SRPK2: variants seen among roughly 807,000 people sequenced by gnomAD.
SRPK2 encodes SFRS protein kinase 2.
A neutral mutation model predicts 90.8 loss-of-function variants in SRPK2; 21 were observed. The ratio of observed to expected loss-of-function variants is 0.23; its 90% CI spans 0.16 to 0.33. The LOEUF is 0.33. Ranked by LOEUF, SRPK2 falls within the 10% of genes least tolerant of loss-of-function variation. SRPK2 has a pLI of 1.00. For missense variants in SRPK2, 620 were observed against 869.0 expected (o/e 0.71, Z 3.60); for synonymous variants, 288 against 311.1 (o/e 0.93, Z 0.78).
chr7:105,321,561 A>T (rs1585697768), intron 2 of SRPK2, among the ~76,000 whole-genome samples: 1 of 152,218 alleles, frequency 6.6e-6, no homozygotes, highest in East Asian at 1.9e-4. Flanking sequence ...GAAAATATTA[A>T]CAAATCTGAT....
At chr7:105,243,796 A>G (rs1387848628) in intron 2 of SRPK2, among the ~76,000 whole-genome samples, 2 of 152,230 alleles carry the variant, frequency 1.3e-5, no homozygotes, top group African/African-American at 2.4e-5. Flanking sequence ...ACCATAACAC[A>G]ATAAGAATCT....
intron 15 of SRPK2, among the ~76,000 whole-genome samples, chr7:105,122,096 T>C (rs1800466852): frequency 6.6e-6 from 1 of 152,170 alleles, no homozygotes; most frequent in African/African-American, 2.4e-5. Context: ...CAACCAAATG[T>C]AGGTAAATAT....
intron 3 of SRPK2, among the ~76,000 whole-genome samples, chr7:105,202,128 T>C (rs777384726): frequency 2.4e-4 from 36 of 152,250 alleles, no homozygotes; most frequent in Non-Finnish European, 4.3e-4. Flanking sequence ...AGGAACACAC[T>C]GATTCTATGT....
intron 7 of SRPK2, among the ~76,000 whole-genome samples, chr7:105,159,191 A>G (rs978826557): frequency 6.6e-6 from 1 of 151,750 alleles, no homozygotes; most frequent in Middle Eastern, 3.2e-3. Flanking sequence ...TAAGCTGCCA[A>G]TTTTCCATAC....
At chr7:105,353,503 TTTGTTGTTGTTGTTG>T (rs34789062) in intron 2 of SRPK2, among the ~76,000 whole-genome samples, 7 of 146,194 alleles carry the variant, frequency 4.8e-5, no homozygotes, top group Non-Finnish European at 7.5e-5. Flanking sequence ...TCCAGCCCAG[TTTGTTGTTGTTGTTG>T]TTGTTGTTGT....
At chr7:105,155,284 CT>C (rs1163773339) in intron 7 of SRPK2, among the ~76,000 whole-genome samples, 1 of 152,208 alleles carries the variant, frequency 6.6e-6, no homozygotes, top group African/African-American at 2.4e-5. Context: ...ACCCAGCCCC[CT>C]TATTCTTAAT....
intron 2 of SRPK2, among the ~76,000 whole-genome samples, chr7:105,319,165 T>TGTG (rs1451363996): frequency 2.0e-5 from 3 of 152,210 alleles, no homozygotes; most frequent in Non-Finnish European, 4.4e-5. Flanking sequence ...TTCACAGATC[T>TGTG]AATTTCTGTG....
chr7:105,374,838 ACCTCGTGATCCACCCG>A (rs1208070657), intron 2 of SRPK2, among the ~76,000 whole-genome samples: 1 of 152,048 alleles, frequency 6.6e-6, no homozygotes, highest in Admixed American at 6.6e-5. Flanking sequence ...CAAACTCCTG[ACCTCGTGATCCACCCG>A]CCTCGGCCTC....
chr7:105,195,465 A>T (rs1319210576), intron 3 of SRPK2, among the ~76,000 whole-genome samples: 2 of 152,240 alleles, frequency 1.3e-5, no homozygotes, highest in Non-Finnish European at 2.9e-5. Context: ...GATGCTTTAA[A>T]GTTACTTCAC....
At chr7:105,260,252 C>T (rs771373420) in intron 2 of SRPK2, among the ~76,000 whole-genome samples, 2 of 152,186 alleles carry the variant, frequency 1.3e-5, no homozygotes, top group Non-Finnish European at 2.9e-5. Flanking sequence ...CAAAAGAAGA[C>T]ATTTATGCAG....
chr7:105,364,333 T>C (rs1032714781), intron 2 of SRPK2, among the ~76,000 whole-genome samples: 6 of 152,076 alleles, frequency 3.9e-5, no homozygotes, highest in African/African-American at 1.4e-4. Context: ...AACCCAGACA[T>C]TCATGATGGT....
At chr7:105,345,090 C>T (rs1007341247) in intron 2 of SRPK2, among the ~76,000 whole-genome samples, 3 of 151,068 alleles carry the variant, frequency 2.0e-5, no homozygotes, top group Admixed American at 6.6e-5. Flanking sequence ...GAGCCAAGAT[C>T]GCACCATTGC....
At chr7:105,309,866 CA>C (rs1341747021) in intron 2 of SRPK2, among the ~76,000 whole-genome samples, 2 of 152,172 alleles carry the variant, frequency 1.3e-5, no homozygotes, top group Non-Finnish European at 2.9e-5. Context: ...CTCTGTTACA[CA>C]AGCATAAACA....
intron 2 of SRPK2, among the ~76,000 whole-genome samples, chr7:105,224,841 A>C (rs898988717): frequency 6.6e-6 from 1 of 152,206 alleles, no homozygotes; most frequent in Non-Finnish European, 1.5e-5. Flanking sequence ...TGAACAAAAC[A>C]TTCCCCTTGA....
At chr7:105,311,120 G>GA (rs372836987) in intron 2 of SRPK2, among the ~76,000 whole-genome samples, 66 of 151,116 alleles carry the variant, frequency 4.4e-4, no homozygotes, top group Non-Finnish European at 6.9e-4. Flanking sequence ...CCTACAGAAT[G>GA]AAAAAAAATA....
At chr7:105,254,909 T>C (rs938430727) in intron 2 of SRPK2, among the ~76,000 whole-genome samples, 1 of 151,736 alleles carries the variant, frequency 6.6e-6, no homozygotes, top group Non-Finnish European at 1.5e-5. Flanking sequence ...AGGCTGGTCT[T>C]GAACTCCTGA....
At chr7:105,360,983 A>G (rs1237631428) in intron 2 of SRPK2, among the ~76,000 whole-genome samples, 1 of 152,184 alleles carries the variant, frequency 6.6e-6, no homozygotes, top group African/African-American at 2.4e-5. Flanking sequence ...GGCCAGGGCA[A>G]TCAGGCAAGA....
intron 1 of SRPK2, among the ~76,000 whole-genome samples, chr7:105,395,039 G>A (rs1006511935): frequency 1.2e-4 from 18 of 152,110 alleles, no homozygotes; most frequent in Admixed American, 3.9e-4. Flanking sequence ...TAGGCGTGGC[G>A]GCACATGCCT....
At chr7:105,377,518 C>CCCCA (rs1820444736) in intron 2 of SRPK2, among the ~76,000 whole-genome samples, 1 of 151,654 alleles carries the variant, frequency 6.6e-6, no homozygotes, top group African/African-American at 2.4e-5. Flanking sequence ...CATGGTGAAA[C>CCCCA]CCCATCTCAA....
Sources: allele counts gnomAD v4.1 joint callset (sites outside exome capture counted in the v4.1 genomes callset), GRCh38; gene constraint gnomAD v4.1.1; transcripts MANE v1.5; gene names NCBI Gene and HGNC (gene_info 2026-07-23, HGNC 2026-07-21).